Variants in C1QTNF7 observed in about 807,000 individuals in gnomAD.
C1QTNF7 encodes C1q and TNF related 7, also known as complement C1q tumor necrosis factor-related protein 7.
A neutral mutation model predicts 19.6 loss-of-function variants in C1QTNF7; 15 were observed. That is an observed-to-expected ratio of 0.76 (90% CI 0.51 to 1.18). The LOEUF (loss-of-function observed/expected upper bound fraction) is 1.18, where lower values mean the gene tolerates loss of function less well. C1QTNF7 is among the 50% of genes most tolerant of loss of function. The pLI, the probability that C1QTNF7 is intolerant of heterozygous loss-of-function variation, is 0.00. For synonymous variants in C1QTNF7, 142 were observed against 137.5 expected, an observed-to-expected ratio of 1.03 and a Z score of -0.23; for missense variants, 324 against 359.7, an observed-to-expected ratio of 0.90 and a Z score of 0.80.
At chr4:15,401,036 G>A (rs1718972205) in intron 1 of C1QTNF7, among the ~76,000 whole-genome samples, 1 of 152,214 alleles carries the variant, frequency 6.6e-6, no homozygotes, top group African/African-American at 2.4e-5. Flanking sequence ...AAGTGTCTTA[G>A]AGGAGGGCAG....
intron 1 of C1QTNF7, among the ~76,000 whole-genome samples, chr4:15,415,894 C>A (rs1374947757): frequency 6.6e-6 from 1 of 152,108 alleles, no homozygotes; most frequent in Non-Finnish European, 1.5e-5. Context: ...TTAAGAACTG[C>A]AAAACAGTCC....
At position 15,442,490 on chromosome 4, in the gene C1QTNF7, T is replaced by C; in HGVS notation, c.561T>C (p.Cys187=). 6.2e-7 allele frequency: 1 copy of C among 1,614,220 alleles called. No individual in the cohort carries two copies. The highest frequency in any genetic ancestry group is 8.5e-7 in the Non-Finnish European group (1 of 1,180,036). Reference sequence around the variant, plus strand: ...ACCCTGCCACAGGGAAGTTCATCTGTGCTTTCCCAGGGATCTATTACTTTT... The same window carrying C: ...ACCCTGCCACAGGGAAGTTCATCTGCGCTTTCCCAGGGATCTATTACTTTT... The part of the protein sequence containing the change: ...HYNPATGKFI[C]AFPGIYYFSY... Residue 187 remains cysteine, a synonymous_variant, in exon 3 of 3, where the codon TGT becomes TGC. Coordinates refer to ENST00000444304, the MANE Select transcript of C1QTNF7 (RefSeq NM_031911.5).
intron 1 of C1QTNF7, among the ~76,000 whole-genome samples, chr4:15,341,490 A>G (rs1297257180): frequency 2.0e-5 from 3 of 152,192 alleles, no homozygotes; most frequent in African/African-American, 4.8e-5. Context: ...TAAGAAGGAC[A>G]CTTTGCTCAT....
chr4:15,357,753 A>G (rs1246789975), intron 1 of C1QTNF7, among the ~76,000 whole-genome samples: 2 of 151,936 alleles, frequency 1.3e-5, no homozygotes, highest in Non-Finnish European at 2.9e-5. Flanking sequence ...GTCCTCTCTT[A>G]TTTCCTTGAG....
chr4:15,348,180 G>C (rs956880303), intron 1 of C1QTNF7, among the ~76,000 whole-genome samples: 1 of 152,132 alleles, frequency 6.6e-6, no homozygotes, highest in African/African-American at 2.4e-5. Flanking sequence ...ATCCAGTGGG[G>C]GATTAAAAAG....
At chr4:15,392,093 T>C (rs1177934376) in intron 1 of C1QTNF7, among the ~76,000 whole-genome samples, 1 of 152,194 alleles carries the variant, frequency 6.6e-6, no homozygotes, top group Admixed American at 6.5e-5. Context: ...AGAATGAATT[T>C]GTTAGAGAAT....
chr4:15,376,591 T>C (rs1022416630), intron 1 of C1QTNF7, among the ~76,000 whole-genome samples: 1 of 152,250 alleles, frequency 6.6e-6, no homozygotes, highest in Admixed American at 6.5e-5. Context: ...CTCTTTCATA[T>C]ATGAGAAAAC....
upstream of C1QTNF7, among the ~76,000 whole-genome samples, chr4:15,425,433 G>T (rs1711995107): frequency 6.6e-6 from 1 of 152,156 alleles, no homozygotes; most frequent in African/African-American, 2.4e-5. Context: ...AAGAGGCATA[G>T]GGGAGACATG....
intron 2 of C1QTNF7, 48 bp downstream of exon 2, chr4:15,436,029 A>T: frequency 6.4e-7 from 1 of 1,570,080 alleles, no homozygotes; most frequent in African/African-American, 1.4e-5. Flanking sequence ...CCCCCACCTT[A>T]AAACTGTTCC....
At position 15,445,871 on chromosome 4, in the gene C1QTNF7, T is replaced by C. The variant is rs1424544485; in HGVS notation, c.*3072T>C. 6.7e-6 allele frequency: 1 copy of C among 149,866 alleles called. No individual in the cohort carries two copies. Among genetic ancestry groups the C allele is most frequent in the Admixed American group, 6.6e-5 (1 of 15,126 alleles). The allele number at this position is 149,866 out of a possible 1,614,324, so 9.3% of individuals were successfully genotyped here. On this transcript the variant is annotated 3_prime_UTR_variant, in exon 3 of 3. Transcript: ENST00000444304. Reference sequence around the variant, plus strand: ...AAGCCACTTAAGAAGATAAATAAGATATAAAAAGAAAACAGCAGTCAAAAG... The same window carrying C: ...AAGCCACTTAAGAAGATAAATAAGACATAAAAAGAAAACAGCAGTCAAAAG...
At chr4:15,403,640 G>T (rs551256275) in intron 1 of C1QTNF7, among the ~76,000 whole-genome samples, 1 of 152,252 alleles carries the variant, frequency 6.6e-6, no homozygotes, top group East Asian at 1.9e-4. Flanking sequence ...CTCATCTCAA[G>T]ATCCTTAATT....
chr4:15,374,288 C>CTGA (rs1299100125), intron 1 of C1QTNF7: 11 of 152,344 alleles, frequency 7.2e-5, no homozygotes, highest in African/African-American at 2.7e-4. Flanking sequence ...TGTAAAGTAG[C>CTGA]TGATAAGAAA....
rs145116504 is a variant in C1QTNF7 at position 15,442,400 on chromosome 4, C to T, written c.471C>T (p.Ser157=). 237 of 1,614,200 alleles carry T rather than the reference C, an allele frequency of 1.5e-4. 1 individual carries two copies. In the Middle Eastern group the frequency reaches 2.1e-3, roughly 15 times the overall value. The part of the protein sequence containing the change: ...KSAFSVGITT[S]YPEERLPIIF... The stretch of plus-strand genomic sequence containing the variant: ...CCTTTTCTGTTGGCATCACAACCAG[C>T]TACCCAGAAGAAAGACTACCTATTA... Residue 157 remains serine (S), a synonymous_variant, in exon 3 of 3, where the codon AGC becomes AGT. Coordinates refer to ENST00000444304, the MANE Select transcript of C1QTNF7 (RefSeq NM_031911.5).
At chr4:15,400,337 G>A (rs7665294) in intron 1 of C1QTNF7, among the ~76,000 whole-genome samples, 131,829 of 152,210 alleles carry the variant, frequency 0.87, 57,150 homozygotes, top group East Asian at 0.98. Context: ...AGTGTAATCT[G>A]TCATAAATCA....
At chr4:15,409,682 G>A (rs1260705143) in intron 1 of C1QTNF7, among the ~76,000 whole-genome samples, 2 of 152,156 alleles carry the variant, frequency 1.3e-5, no homozygotes, top group Admixed American at 1.3e-4. Context: ...ACAGTGAATT[G>A]TGGAGTCCGA....
chr4:15,374,526 G>A, intron 1 of C1QTNF7: 1 of 976,476 alleles, frequency 1.0e-6, no homozygotes, highest in Non-Finnish European at 1.2e-6. Flanking sequence ...AAACAATCAG[G>A]AGATCTGTGT....
intron 1 of C1QTNF7, among the ~76,000 whole-genome samples, chr4:15,363,336 A>T (rs1717407194): frequency 6.6e-6 from 1 of 152,028 alleles, no homozygotes; most frequent in South Asian, 2.1e-4. Flanking sequence ...TTCAAGTAGA[A>T]CGAAAACTTT....
intron 1 of C1QTNF7, among the ~76,000 whole-genome samples, chr4:15,367,966 T>C (rs182808946): frequency 1.9e-3 from 283 of 152,290 alleles, no homozygotes; most frequent in Non-Finnish European, 2.8e-3. Context: ...CTGAGTTTTG[T>C]ACACACCCAT....
intron 1 of C1QTNF7, among the ~76,000 whole-genome samples, chr4:15,435,036 A>G (rs554827637): frequency 6.6e-6 from 1 of 152,326 alleles, no homozygotes; most frequent in South Asian, 2.1e-4. Context: ...AATAGTCCAT[A>G]AATTCTAAGA....
Sources: allele counts gnomAD v4.1 joint callset (sites outside exome capture counted in the v4.1 genomes callset), GRCh38; gene constraint gnomAD v4.1.1; transcripts MANE v1.5; gene names NCBI Gene and HGNC (gene_info 2026-07-23, HGNC 2026-07-21).